Variants in SLC6A7 observed in about 807,000 individuals in gnomAD.
The protein encoded by SLC6A7 is sodium-dependent proline transporter.
A neutral mutation model predicts 73.1 loss-of-function variants in SLC6A7; 58 were observed. The ratio of observed to expected loss-of-function variants is 0.79; its 90% CI spans 0.64 to 0.99. The LOEUF is 0.99. SLC6A7 is among the 50% of genes least tolerant of loss of function. SLC6A7 has a pLI of 0.00. For synonymous variants in SLC6A7, 338 were observed against 338.7 expected (o/e 1.00, Z 0.02); for missense variants, 783 against 831.4 (o/e 0.94, Z 0.72).
chr5:150,209,288 C>G (rs1753846985), intron 13 of SLC6A7, 118 bp from the exon 14 acceptor site: 1 of 817,934 alleles, frequency 1.2e-6, no homozygotes, highest in East Asian at 2.6e-5. Flanking sequence ...CGCCAGGGGG[C>G]TGTGGCCAGG....
chr5:150,195,243 A>G (rs996261772), intron 2 of SLC6A7: 1 of 228,488 alleles, frequency 4.4e-6, no homozygotes, highest in Admixed American at 5.1e-5. Flanking sequence ...GCCGATGATC[A>G]CTGCACTTTC....
Position 150,202,394 on chromosome 5 carries a change from C to T in SLC6A7, c.906C>T (p.Gly302=), listed in dbSNP as rs752411222. The change falls in exon 7 of 14, where the codon GGC becomes GGT. Residue 302 remains glycine, a synonymous_variant. Coordinates refer to ENST00000230671, the MANE Select transcript of SLC6A7 (RefSeq NM_014228.5). The stretch of plus-strand genomic sequence containing the variant: ...AGATCTTCTATTCCCTGGGTGTGGG[C>T]TTCGGGGGGCTCCTCACCTTTGCCT... ...ALQIFYSLGV[G]FGGLLTFASY... 1 of 1,614,174 alleles carries T rather than the reference C, an allele frequency of 6.2e-7. No individual in the cohort carries two copies. The highest frequency in any genetic ancestry group is 1.7e-5 in the Admixed American group (1 of 60,030).
At chr5:150,202,264 C>T in intron 6 of SLC6A7, 83 bp from the exon 7 acceptor site, 2 of 935,974 alleles carry the variant, frequency 2.1e-6, no homozygotes, top group Non-Finnish European at 3.5e-6. Context: ...ATCCCTGGAG[C>T]TGTCACACCA....
rs1048544914 is a variant in SLC6A7, at chr5:150,208,807, C to T, written c.1702-599C>T. Among the ~76,000 whole-genome samples the T allele has an allele frequency of 2.0e-5, 3 of 152,172 alleles. No individual in the cohort carries two copies. In the South Asian group the frequency reaches 6.2e-4, roughly 31 times the overall value. The stretch of plus-strand genomic sequence containing the variant: ...CTCCAGGCTTAGTCATTATCTTAGT[C>T]ACCCCGACTCCGTCCATGGAAACTG... On this transcript the variant is annotated intron_variant, in intron 13 of 13. Transcript: ENST00000230671.
chr5:150,193,156 A>G (rs1276493463), intron 1 of SLC6A7, among the ~76,000 whole-genome samples: 3 of 152,164 alleles, frequency 2.0e-5, no homozygotes, highest in African/African-American at 7.2e-5. Flanking sequence ...TGTCATCGTC[A>G]CCCATAATAA....
At chr5:150,194,447 AAAG>A (rs906694484) in intron 1 of SLC6A7, among the ~76,000 whole-genome samples, 4 of 151,758 alleles carry the variant, frequency 2.6e-5, no homozygotes, top group African/African-American at 9.7e-5. Flanking sequence ...AAAAAAAAAA[AAAG>A]GACTATCCCT....
chr5:150,194,861 G>T lies in SLC6A7; in HGVS notation c.167G>T (p.Gly56Val). 6.2e-7 allele frequency: 1 copy of T among 1,614,192 alleles called. No homozygotes were observed. Among genetic ancestry groups the T allele is most frequent in the Non-Finnish European group, 8.5e-7 (1 of 1,180,018 alleles). ...CTGTCCTGCATTGGCTACTGTGTAG[G>T]CCTGGGGAATGTCTGGCGCTTCCCC... ...FLLSCIGYCV[G>V]LGNVWRFPYR... The change falls in exon 2 of 14, where the codon GGC (glycine) becomes GTC (valine). Residue 56 changes from glycine (G) to valine (V), a missense_variant. Coordinates refer to ENST00000230671, the MANE Select transcript of SLC6A7 (RefSeq NM_014228.5).
In SLC6A7 at chr5:150,197,610, A is replaced by AATGATG. The variant is rs70973568; in HGVS notation, c.584+346_584+351dup. Among the ~76,000 whole-genome samples, 395 of 151,456 alleles carry AATGATG rather than the reference A, an allele frequency of 2.6e-3. 2 individuals carry two copies. Among genetic ancestry groups the AATGATG allele is most frequent in the Non-Finnish European group, 3.8e-3 (260 of 67,786 alleles). On this transcript the variant is annotated intron_variant, in intron 4 of 13. Transcript: ENST00000230671. Reference sequence around the variant, plus strand: ...AAGTGCTCAATAAATACTAGCTGAGAATGATGATGATGATGATAACAGTAA... The same window carrying AATGATG: ...AAGTGCTCAATAAATACTAGCTGAGAATGATGATGATGATGATGATGATAACAGTAA...
chr5:150,199,170 C>T, intron 4 of SLC6A7, 58 bp from the exon 5 acceptor site: 3 of 1,515,858 alleles, frequency 2.0e-6, no homozygotes, highest in Non-Finnish European at 2.7e-6. Context: ...GGCTTGACTC[C>T]ATGTCTGTGG....
chr5:150,201,209 T>C lies in SLC6A7; in HGVS notation c.844T>C (p.Leu282=), dbSNP rs1209388570. 6.2e-7 allele frequency: 1 copy of C among 1,611,640 alleles called. No homozygotes were observed. Among genetic ancestry groups the C allele is most frequent in the Admixed American group, 1.7e-5 (1 of 59,692 alleles). The change falls in exon 6 of 14, where the codon TTG becomes CTG. Residue 282 remains leucine (L), a synonymous_variant. Coordinates refer to ENST00000230671, the MANE Select transcript of SLC6A7 (RefSeq NM_014228.5). ...QFYLTPQFHH[L]LSSKVWIEAA... ...CTATCTCACCCCCCAGTTCCACCAC[T>C]TGTTGTCTTCCAAGGTGAGCCCCTC...
chr5:150,190,306 C>A lies in SLC6A7; in HGVS notation c.-22C>A, dbSNP rs1195845592. On this transcript the variant is annotated 5_prime_UTR_variant, in exon 1 of 14. Coordinates refer to ENST00000230671, the MANE Select transcript of SLC6A7 (RefSeq NM_014228.5). Reference sequence around the variant, plus strand: ...CTCTCTGCGCTCCGGGGCAGCTGAGCCCCGGCCACCCGCTCTCCAAGATGA... The same window carrying A: ...CTCTCTGCGCTCCGGGGCAGCTGAGACCCGGCCACCCGCTCTCCAAGATGA... 1 of 1,509,274 alleles carries A rather than the reference C, an allele frequency of 6.6e-7. No individual in the cohort carries two copies. Among genetic ancestry groups the A allele is most frequent in the South Asian group, 1.2e-5 (1 of 80,452 alleles). 93.5% of individuals were successfully genotyped at this position (1,509,274 alleles called of 1,614,324 possible).
At position 150,204,876 on chromosome 5, in the gene SLC6A7, G is replaced by C. The variant is rs369039273; in HGVS notation, c.1482G>C (p.Pro494=). 6.2e-7 allele frequency: 1 copy of C among 1,613,400 alleles called. No individual in the cohort carries two copies. Among genetic ancestry groups the C allele is most frequent in the Non-Finnish European group, 8.5e-7 (1 of 1,179,388 alleles). The change falls in exon 12 of 14, where the codon CCG becomes CCC. Residue 494 remains proline (P), a synonymous_variant. Coordinates refer to ENST00000230671, the MANE Select transcript of SLC6A7 (RefSeq NM_014228.5). ...TCCACATGATGCTGGGCTTCAAGCC[G>C]GGCCTCTACTTCAGGGCCTGCTGGC... ...RDIHMMLGFK[P]GLYFRACWLF...
Position 150,190,347 on chromosome 5 carries a change from C to T in SLC6A7, c.20C>T (p.Ala7Val). ...TCCAAGATGAAGAAGCTCCAGGGAG[C>T]TCACCTCCGCAAGGTAGGGCACGAG... MKKLQG[A>V]HLRKPVTPDL... Residue 7 changes from alanine (A) to valine (V), a missense_variant, in exon 1 of 14, where the codon GCT becomes GTT. By Grantham distance (64) the Ala-to-Val change is moderately conservative. Coordinates refer to ENST00000230671, the MANE Select transcript of SLC6A7 (RefSeq NM_014228.5). 6 of 1,506,422 alleles carry T rather than the reference C, an allele frequency of 4.0e-6. No individual in the cohort carries two copies. The highest frequency in any genetic ancestry group is 5.3e-6 in the Non-Finnish European group (6 of 1,128,850). 93.3% of individuals were successfully genotyped at this position (1,506,422 alleles called of 1,614,324 possible).
At chr5:150,196,468 A>G (rs987002149) in intron 2 of SLC6A7, among the ~76,000 whole-genome samples, 5 of 151,332 alleles carry the variant, frequency 3.3e-5, no homozygotes, top group African/African-American at 1.2e-4. Flanking sequence ...TCATTCATTC[A>G]CTCCCTCAGC....
chr5:150,205,162 A>G (rs1035321759), intron 12 of SLC6A7, among the ~76,000 whole-genome samples: 5 of 152,222 alleles, frequency 3.3e-5, no homozygotes, highest in Non-Finnish European at 7.3e-5. Context: ...CCAGGGCCTC[A>G]GGATTGGAGC....
chr5:150,190,208 C>G lies in SLC6A7; in HGVS notation c.-120C>G, dbSNP rs2113961255. ...CCAGACGGCAGCGCCTGCGTCCGTGCCCGCCCCAGCCGGTGCGCGGGAGCC... is the reference window on the plus strand; with the variant it reads ...CCAGACGGCAGCGCCTGCGTCCGTGGCCGCCCCAGCCGGTGCGCGGGAGCC... On this transcript the variant is annotated 5_prime_UTR_variant, in exon 1 of 14. Coordinates refer to ENST00000230671, the MANE Select transcript of SLC6A7 (RefSeq NM_014228.5). 2 of 833,634 alleles carry G rather than the reference C, an allele frequency of 2.4e-6. No individual in the cohort carries two copies. The highest frequency in any genetic ancestry group is 7.1e-4 in the Middle Eastern group (2 of 2,836). 51.6% of individuals were successfully genotyped at this position (833,634 alleles called of 1,614,324 possible).
intron 1 of SLC6A7, among the ~76,000 whole-genome samples, chr5:150,193,465 A>G (rs772880052): frequency 1.3e-5 from 2 of 151,738 alleles, no homozygotes; most frequent in African/African-American, 2.4e-5. Flanking sequence ...GGCTCTCCCT[A>G]CCTTGCCTGG....
At position 150,205,465 on chromosome 5, in the gene SLC6A7, G is replaced by C. The variant is rs1483087334; in HGVS notation, c.1543G>C (p.Val515Leu). 1 of 1,604,084 alleles carries C rather than the reference G, an allele frequency of 6.2e-7. No homozygotes were observed. The highest frequency in any genetic ancestry group is 1.7e-5 in the Admixed American group (1 of 58,878). ...LSPATLLALMVYSIVKYQPSE... is the reference protein window; with the variant it reads ...LSPATLLALMLYSIVKYQPSE... ...AGTCCCCACTCTGCAGGCCCTCATG[G>C]TGTATAGCATCGTCAAGTACCAGCC... is the stretch of plus-strand genomic sequence containing the variant. Residue 515 changes from valine to leucine, a missense_variant, in exon 13 of 14, where the codon GTG becomes CTG. Val to Leu is a conservative substitution (Grantham distance 32). Transcript: ENST00000230671.
chr5:150,198,929 T>C (rs894422225), intron 4 of SLC6A7, among the ~76,000 whole-genome samples: 2 of 151,654 alleles, frequency 1.3e-5, no homozygotes, highest in African/African-American at 4.8e-5. Flanking sequence ...TCTCCCACTG[T>C]TGCCTCCCAT....
Sources: gnomAD v4.1 joint callset for allele counts (sites outside exome capture counted in the v4.1 genomes callset) on GRCh38, gnomAD v4.1.1 for gene constraint, MANE v1.5 for transcripts, NCBI Gene and HGNC (gene_info 2026-07-23, HGNC 2026-07-21) for gene names.